The following ADAT1 variants were observed in gnomAD, a reference collection of about 807,000 sequenced individuals.
ADAT1 encodes tRNA-specific adenosine deaminase 1.
Under a neutral mutation model 58.6 loss-of-function variants are expected in ADAT1, and 58 were observed. That is an observed-to-expected ratio of 0.99 (90% confidence interval 0.80 to 1.23). The LOEUF (loss-of-function observed/expected upper bound fraction) is 1.23. Among genes scored for constraint, ADAT1 ranks in the 50% most tolerant of loss-of-function variants. The pLI, the probability that ADAT1 is intolerant of heterozygous loss-of-function variation, is 0.00. For synonymous variants in ADAT1, 254 were observed against 220.8 expected (o/e 1.15, Z -1.33); for missense variants, 741 against 608.6 (o/e 1.22, Z -2.29).
At chr16:75,604,518 C>CACAT (rs1171957222) in intron 8 of ADAT1, among the ~76,000 whole-genome samples, 5 of 111,786 alleles carry the variant, frequency 4.5e-5, no homozygotes, top group East Asian at 2.8e-4. Flanking sequence ...CACACACACA[C>CACAT]ATATATACAT....
At chr16:75,600,533 G>C (rs898836358) in intron 9 of ADAT1, among the ~76,000 whole-genome samples, 185 bp from the exon 10 acceptor site, 3 of 152,220 alleles carry the variant, frequency 2.0e-5, no homozygotes, top group Non-Finnish European at 4.4e-5. Flanking sequence ...AACTGAAACA[G>C]AGTTGAGAAG....
At chr16:75,615,154 G>T in intron 5 of ADAT1, among the ~76,000 whole-genome samples, 1 of 150,450 alleles carries the variant, frequency 6.6e-6, no homozygotes, top group Non-Finnish European at 1.5e-5. Flanking sequence ...CTGGACCCGG[G>T]AGGTGGAGAT....
chr16:75,621,047 G>A lies in ADAT1; in HGVS notation c.-21-227C>T, dbSNP rs576197776. On this transcript the variant is annotated intron_variant, in intron 1 of 9. Transcript: ENST00000564657. The stretch of plus-strand genomic sequence containing the variant: ...CCAATCCCCAAAATTATTGTTTCAA[G>A]TTTTTCTTAATGTTATATATCTGAT... Among the ~76,000 whole-genome samples, 3 of 151,998 alleles carry A rather than the reference G, an allele frequency of 2.0e-5. No individual in the cohort carries two copies. In the East Asian group the frequency reaches 5.9e-4, roughly 30 times the overall value.
At chr16:75,619,641 T>G (rs907703167) in intron 3 of ADAT1, 1 of 455,626 alleles carries the variant, frequency 2.2e-6, no homozygotes, top group African/African-American at 2.0e-5. Flanking sequence ...CCAGGTGCGG[T>G]GGCTCACACC....
chr16:75,617,403 T>C, intron 4 of ADAT1, 131 bp from the exon 5 acceptor site: 1 of 1,013,586 alleles, frequency 9.9e-7, no homozygotes. Flanking sequence ...ATTATGAGAA[T>C]GCTCTAGACC....
intron 5 of ADAT1, among the ~76,000 whole-genome samples, chr16:75,616,281 T>G (rs1249296642): frequency 2.0e-5 from 3 of 152,330 alleles, no homozygotes; most frequent in Admixed American, 1.3e-4. Context: ...GTCCTGGCAT[T>G]ACAGGTGTGA....
intron 1 of ADAT1, among the ~76,000 whole-genome samples, 176 bp downstream of exon 1, chr16:75,622,227 C>A (rs934012157): frequency 6.6e-6 from 1 of 152,128 alleles, no homozygotes; most frequent in Non-Finnish European, 1.5e-5. Context: ...TCCCCTGCAG[C>A]GCAACGTGCA....
Position 75,599,969 on chromosome 16 carries a change from G to T in ADAT1, c.*247C>A. On this transcript the variant is annotated 3_prime_UTR_variant, in exon 10 of 10. Coordinates refer to ENST00000564657, the MANE Select transcript of ADAT1 (RefSeq NM_001324445.2). ...TTCCAAACTCTGATTTCATATTTTAGAGAAGCAATAAAACACAATGGAAGT... is the reference window on the plus strand; with the variant it reads ...TTCCAAACTCTGATTTCATATTTTATAGAAGCAATAAAACACAATGGAAGT... 8.2e-7 allele frequency: 1 copy of T among 1,225,454 alleles called. No individual in the cohort carries two copies. Among genetic ancestry groups the T allele is most frequent in the East Asian group, 3.6e-5 (1 of 27,540 alleles). 75.9% of individuals were successfully genotyped at this position (1,225,454 alleles called of 1,614,324 possible). A position where few individuals can be genotyped will look rare whatever the true frequency, so the allele number is the denominator to read the frequency against.
chr16:75,612,254 T>G lies in ADAT1; in HGVS notation c.1032A>C (p.Ala344=), dbSNP rs1242344316. The G allele has an allele frequency of 1.2e-6, 2 of 1,613,964 alleles. No individual in the cohort carries two copies. The highest frequency in any genetic ancestry group is 8.5e-7 in the Non-Finnish European group (1 of 1,179,866). ...CPYSQEAMQR[A]LIGRCQNVSA... ...CCCTACCCTCTCACCTTCCAATCAG[T>G]GCTCTCTGCATGGCTTCCTGGCTGT... Residue 344 remains alanine, a synonymous_variant, in exon 6 of 10, where the codon GCA becomes GCC. Coordinates refer to ENST00000564657, the MANE Select transcript of ADAT1 (RefSeq NM_001324445.2).
chr16:75,617,643 T>C (rs547052074), intron 4 of ADAT1, among the ~76,000 whole-genome samples: 166 of 151,764 alleles, frequency 1.1e-3, no homozygotes, highest in African/African-American at 3.7e-3. Flanking sequence ...TTGTTTCTTT[T>C]TTTTTTTTTA....
chr16:75,615,054 G>C (rs192387771), intron 5 of ADAT1, among the ~76,000 whole-genome samples: 184 of 152,060 alleles, frequency 1.2e-3, no homozygotes, highest in South Asian at 8.3e-3. Context: ...GTGAAACCCT[G>C]TTTCTACTAA....
At chr16:75,620,114 A>G in intron 3 of ADAT1, 152 bp downstream of exon 3, 1 of 697,444 alleles carries the variant, frequency 1.4e-6, no homozygotes, top group Non-Finnish European at 2.5e-6. Context: ...CCATTCTCCA[A>G]GTGAGTACGG....
chr16:75,612,927 G>A, intron 5 of ADAT1, 66 bp from the exon 6 acceptor site: 1 of 1,537,662 alleles, frequency 6.5e-7, no homozygotes, highest in East Asian at 2.3e-5. Context: ...GCCACAATGG[G>A]ATCTCTTGGG....
chr16:75,612,747 G>T lies in ADAT1; in HGVS notation c.539C>A (p.Pro180His), dbSNP rs772112583. The change falls in exon 6 of 10, where the codon CCT becomes CAT. Residue 180 changes from proline to histidine, a missense_variant. By Grantham distance (77) the Pro-to-His change is moderately conservative (BLOSUM62 -2). Transcript: ENST00000564657. ...SVEASSNLEA[P>H]GNERKCEDPD... ...GTCTTCACATTTTCTTTCATTTCCA[G>T]GAGCTTCCAGGTTACTACTGGCTTC... The T allele has an allele frequency of 8.7e-6, 14 of 1,614,052 alleles. No individual in the cohort carries two copies. The highest frequency in any genetic ancestry group is 1.1e-5 in the Non-Finnish European group (13 of 1,180,024).
At position 75,622,250 on chromosome 16, in the gene ADAT1, T is replaced by C. The variant is rs528719235; in HGVS notation, c.-22+153A>G. Among the ~76,000 whole-genome samples, 49 of 152,252 alleles carry C rather than the reference T, an allele frequency of 3.2e-4. No individual in the cohort carries two copies. The South Asian group carries it at 3.3e-3, about 10-fold the overall frequency. ...AGCGCAACGTGCAGGCTCGCTACTG[T>C]AGTGAATGCTACTGGTAAATCAGAC... On this transcript the variant is annotated intron_variant, in intron 1 of 9. Transcript: ENST00000564657.
chr16:75,611,715 CACTT>C (rs928186469), intron 6 of ADAT1, among the ~76,000 whole-genome samples: 2 of 150,118 alleles, frequency 1.3e-5, no homozygotes, highest in South Asian at 2.2e-4. Context: ...ACAAAGAAAA[CACTT>C]AATTTCCTAT....
chr16:75,617,003 G>C, intron 5 of ADAT1, 139 bp downstream of exon 5: 17 of 1,021,478 alleles, frequency 1.7e-5, no homozygotes, highest in Non-Finnish European at 2.4e-5. Context: ...AAAAGGCACT[G>C]TCACTACTTG....
intron 8 of ADAT1, among the ~76,000 whole-genome samples, chr16:75,604,414 C>T (rs1209904729): frequency 9.5e-6 from 1 of 104,754 alleles, no homozygotes; most frequent in African/African-American, 3.8e-5. Context: ...GCCTGGGTGA[C>T]AGAGTGAGAT....
chr16:75,619,503 C>A, intron 3 of ADAT1: 1 of 417,552 alleles, frequency 2.4e-6, no homozygotes, highest in South Asian at 1.7e-5. Context: ...TACCACCGTA[C>A]TTCAGTGAGA....
Sources: gnomAD v4.1 joint callset for allele counts (sites outside exome capture counted in the v4.1 genomes callset) on GRCh38, gnomAD v4.1.1 for gene constraint, MANE v1.5 for transcripts, NCBI Gene and HGNC (gene_info 2026-07-23, HGNC 2026-07-21) for gene names.